MRPL35: variants seen among roughly 807,000 people sequenced by gnomAD.
MRPL35 encodes large ribosomal subunit protein bL35m.
Under a neutral mutation model 21.6 loss-of-function variants are expected in MRPL35, and 18 were observed. The ratio of observed to expected loss-of-function variants is 0.83; its 90% confidence interval spans 0.58 to 1.24. The LOEUF is 1.24. Ranked by LOEUF, MRPL35 falls within the 50% of genes most tolerant of loss-of-function variation. MRPL35 has a pLI of 0.00. For synonymous variants in MRPL35, 87 were observed against 86.9 expected (o/e 1.00, Z -0.01); for missense variants, 223 against 223.2 (o/e 1.00, Z 0.01).
At chr2:86,204,097 G>A (rs2103908142) in intron 1 of MRPL35, among the ~76,000 whole-genome samples, 1 of 151,918 alleles carries the variant, frequency 6.6e-6, no homozygotes, top group South Asian at 2.1e-4. Flanking sequence ...TGATCTTCCT[G>A]CCTCAGCCTC....
At position 86,213,401 on chromosome 2, in the gene MRPL35, T is replaced by G. The variant is rs923755510; in HGVS notation, c.*2733T>G. 1.2e-5 allele frequency: 15 copies of G among 1,274,516 alleles called. No individual in the cohort carries two copies. In the Middle Eastern group the frequency reaches 7.5e-4, roughly 63 times the overall value. The allele number at this position is 1,274,516 out of a possible 1,614,324, so 79.0% of individuals were successfully genotyped here. A position where few individuals can be genotyped will look rare whatever the true frequency, so the allele number is the denominator to read the frequency against. The stretch of plus-strand genomic sequence containing the variant: ...CTGCTTTTAGTCCTCTGAATCTGCT[T>G]CTTTTCTTACTGCTGCTTTATTTTA... On this transcript the variant is annotated 3_prime_UTR_variant, in exon 4 of 4. Transcript: ENST00000337109.
At chr2:86,205,060 A>G (rs1198410775) in intron 1 of MRPL35, among the ~76,000 whole-genome samples, 5 of 152,014 alleles carry the variant, frequency 3.3e-5, no homozygotes, top group African/African-American at 1.2e-4. Context: ...GCAACATGGC[A>G]AAATTCTGTC....
chr2:86,201,979 C>T (rs542829230), intron 1 of MRPL35, among the ~76,000 whole-genome samples: 2 of 152,352 alleles, frequency 1.3e-5, no homozygotes, highest in South Asian at 4.1e-4. Flanking sequence ...TTTGTGAAAA[C>T]ATCTGTATTC....
chr2:86,207,961 T>A (rs544755629), intron 3 of MRPL35, among the ~76,000 whole-genome samples: 1 of 152,240 alleles, frequency 6.6e-6, no homozygotes, highest in Non-Finnish European at 1.5e-5. Context: ...TTTTTGAGAT[T>A]TAGTAACTGC....
chr2:86,207,058 T>C (rs1673812337), intron 2 of MRPL35, 125 bp from the exon 3 acceptor site: 1 of 913,344 alleles, frequency 1.1e-6, no homozygotes, highest in Non-Finnish European at 1.6e-6. Context: ...TTGGAAGTAA[T>C]ATTGTATATG....
intron 2 of MRPL35, 63 bp downstream of exon 2, chr2:86,206,358 A>T: frequency 2.8e-6 from 4 of 1,445,874 alleles, no homozygotes; most frequent in Non-Finnish European, 3.8e-6. Context: ...TTTGAGACGG[A>T]GTCTCACTCT....
intron 3 of MRPL35, among the ~76,000 whole-genome samples, 179 bp downstream of exon 3, chr2:86,207,506 G>T (rs906597859): frequency 1.3e-5 from 2 of 152,192 alleles, no homozygotes; most frequent in East Asian, 3.8e-4. Flanking sequence ...GTGGTGGCAG[G>T]CACCTGTAAT....
intron 1 of MRPL35, among the ~76,000 whole-genome samples, chr2:86,201,939 C>T (rs74659453): frequency 0.013 from 1,973 of 152,308 alleles, 46 homozygotes; most frequent in African/African-American, 0.045. Flanking sequence ...TCTTCGTACT[C>T]TGTCAAAACT....
At chr2:86,210,006 C>T (rs1475782886) in intron 3 of MRPL35, among the ~76,000 whole-genome samples, 1 of 152,078 alleles carries the variant, frequency 6.6e-6, no homozygotes, top group Non-Finnish European at 1.5e-5. Context: ...GACCCTGTCT[C>T]AAAATGAAAC....
At chr2:86,209,622 T>C (rs1339373059) in intron 3 of MRPL35, among the ~76,000 whole-genome samples, 1 of 152,228 alleles carries the variant, frequency 6.6e-6, no homozygotes, top group African/African-American at 2.4e-5. Flanking sequence ...ATATTCATAA[T>C]TCCTTAGAAA....
At chr2:86,207,155 A>C (rs1044891517) in intron 2 of MRPL35, 28 bp from the exon 3 acceptor site, 2 of 1,548,498 alleles carry the variant, frequency 1.3e-6, no homozygotes, top group East Asian at 4.9e-5. Flanking sequence ...TCTGATTACA[A>C]GCTAAAAATT....
chr2:86,208,963 T>C (rs1437442093), intron 3 of MRPL35, among the ~76,000 whole-genome samples: 1 of 152,240 alleles, frequency 6.6e-6, no homozygotes, highest in Non-Finnish European at 1.5e-5. Context: ...CATTTTTGAA[T>C]CTAGAGATTG....
rs1673936783 is a variant in MRPL35 at position 86,212,879 on chromosome 2, TTATGTATAGTTTGTTTATTCAGGTA to T, written c.*2220_*2244del. The T allele has an allele frequency of 3.4e-6, 3 of 875,172 alleles. No individual in the cohort carries two copies. The African/African-American group carries it at 5.5e-5, about 16-fold the overall frequency. The allele number at this position is 875,172 out of a possible 1,614,324, so 54.2% of individuals were successfully genotyped here. ...ATTATATGTATAATTTATAAAATAT[TTATGTATAGTTTGTTTATTCAGGTA>T]TATGTATAATTTATTGAACACCTAC... On this transcript the variant is annotated 3_prime_UTR_variant, in exon 4 of 4. Transcript: ENST00000337109.
chr2:86,204,060 C>T (rs1673740958), intron 1 of MRPL35, among the ~76,000 whole-genome samples: 1 of 151,916 alleles, frequency 6.6e-6, no homozygotes, highest in Non-Finnish European at 1.5e-5. Flanking sequence ...TCTCGGCTCA[C>T]TGCACCCTCT....
In MRPL35 at chr2:86,211,937, GA is replaced by G; in HGVS notation, c.*1274del. ...AAGTAATCTCAGTTGTTTTAGAAAC[GA>G]AAAAGTTAAGCATTGTTTACTTGAA... is the stretch of plus-strand genomic sequence containing the variant. On this transcript the variant is annotated 3_prime_UTR_variant, in exon 4 of 4. Transcript: ENST00000337109. 1 of 985,824 alleles carries G rather than the reference GA, an allele frequency of 1.0e-6. No homozygotes were observed. Among genetic ancestry groups the G allele is most frequent in the Non-Finnish European group, 1.2e-6 (1 of 830,240 alleles). The allele number at this position is 985,824 out of a possible 1,614,324, so 61.1% of individuals were successfully genotyped here.
In MRPL35 at chr2:86,213,313, T is replaced by G. The variant is rs3087642; in HGVS notation, c.*2645T>G. ...TTAACCTAGTTAATCCTAGTTCTGTTGACATTGGACCAGGCTCAGTAAATA... is the reference window on the plus strand; with the variant it reads ...TTAACCTAGTTAATCCTAGTTCTGTGGACATTGGACCAGGCTCAGTAAATA... On this transcript the variant is annotated 3_prime_UTR_variant, in exon 4 of 4. Coordinates refer to ENST00000337109, the MANE Select transcript of MRPL35 (RefSeq NM_016622.4). 1.0e-4 allele frequency: 117 copies of G among 1,169,520 alleles called. No individual in the cohort carries two copies. The highest frequency in any genetic ancestry group is 1.3e-5 in the Non-Finnish European group (12 of 948,668). 72.4% of individuals were successfully genotyped at this position (1,169,520 alleles called of 1,614,324 possible).
rs746820959 is a variant in MRPL35, at chr2:86,207,227, C to T, written c.278C>T (p.Ser93Phe). Residue 93 changes from serine to phenylalanine, a missense_variant, in exon 3 of 4, where the codon TCT (serine) becomes TTT (phenylalanine). Coordinates refer to ENST00000337109, the MANE Select transcript of MRPL35 (RefSeq NM_016622.4). ...LPSVLKLPVR[S>F]LTYFSARKGK... ...AGTGTCCTGAAGCTGCCAGTCAGATCTCTAACATACTTCAGTGCAAGAAAA... is the reference window on the plus strand; with the variant it reads ...AGTGTCCTGAAGCTGCCAGTCAGATTTCTAACATACTTCAGTGCAAGAAAA... The T allele has an allele frequency of 4.3e-6, 7 of 1,613,774 alleles. No homozygotes were observed. In the East Asian group the frequency reaches 1.6e-4, roughly 36 times the overall value.
At position 86,212,659 on chromosome 2, in the gene MRPL35, A is replaced by C; in HGVS notation, c.*1991A>C. On this transcript the variant is annotated 3_prime_UTR_variant, in exon 4 of 4. Transcript: ENST00000337109. ...CTCTAGACCAGGGACAGGTGTAGAGATAAGGACTGGCAACCAGAGCCTCAG... is the reference window on the plus strand; with the variant it reads ...CTCTAGACCAGGGACAGGTGTAGAGCTAAGGACTGGCAACCAGAGCCTCAG... 1 of 1,280,330 alleles carries C rather than the reference A, an allele frequency of 7.8e-7. No individual in the cohort carries two copies. The highest frequency in any genetic ancestry group is 9.9e-7 in the Non-Finnish European group (1 of 1,013,802). 79.3% of individuals were successfully genotyped at this position (1,280,330 alleles called of 1,614,324 possible). A position where few individuals can be genotyped will look rare whatever the true frequency, so the allele number is the denominator to read the frequency against.
At chr2:86,201,253 A>G (rs551585940) in intron 1 of MRPL35, among the ~76,000 whole-genome samples, 9 of 152,328 alleles carry the variant, frequency 5.9e-5, no homozygotes, top group Non-Finnish European at 1.3e-4. Context: ...TGGCTTTGTA[A>G]TGGTATCTCA....
Sources: allele counts gnomAD v4.1 joint callset (sites outside exome capture counted in the v4.1 genomes callset), GRCh38; gene constraint gnomAD v4.1.1; transcripts MANE v1.5; gene names NCBI Gene and HGNC (gene_info 2026-07-23, HGNC 2026-07-21).